PAIP2: variants seen among roughly 807,000 people sequenced by gnomAD.
PAIP2 encodes the protein poly(A) binding protein interacting protein 2.
PAIP2 carries 7 observed loss-of-function variants against 14.8 expected under a neutral mutation model. The ratio of observed to expected loss-of-function variants is 0.47; its 90% confidence interval spans 0.27 to 0.89. The LOEUF is 0.89. Among genes scored for constraint, PAIP2 ranks in the 40% least tolerant of loss-of-function variants. The pLI, the probability that PAIP2 is intolerant of heterozygous loss-of-function variation, is 0.13. For synonymous variants in PAIP2, 47 were observed against 45.3 expected (o/e 1.04, Z -0.15); for missense variants, 122 against 154.7 (o/e 0.79, Z 1.12).
At chr5:139,343,457 C>T (rs1384065837) in intron 1 of PAIP2, 1 of 152,122 alleles carries the variant, frequency 6.6e-6, no homozygotes, top group Admixed American at 6.5e-5. Flanking sequence ...GCAGGCTTTT[C>T]CTTAAATAAG....
At chr5:139,355,448 A>G (rs1472250966) in intron 1 of PAIP2, among the ~76,000 whole-genome samples, 1 of 152,204 alleles carries the variant, frequency 6.6e-6, no homozygotes, top group Non-Finnish European at 1.5e-5. Flanking sequence ...CTGGGATTAC[A>G]GGCGTAAGCC....
At chr5:139,345,010 G>A (rs889768607) in intron 1 of PAIP2, among the ~76,000 whole-genome samples, 2 of 152,092 alleles carry the variant, frequency 1.3e-5, no homozygotes, top group Admixed American at 1.3e-4. Context: ...TAGTAAAGCA[G>A]CCTGGTTCCA....
intron 1 of PAIP2, among the ~76,000 whole-genome samples, chr5:139,345,185 G>A (rs989284989): frequency 6.6e-6 from 1 of 151,722 alleles, no homozygotes; most frequent in Non-Finnish European, 1.5e-5. Context: ...AGCTGCACCC[G>A]ACACCACACC....
At chr5:139,359,606 A>C (rs910399808) in intron 1 of PAIP2, among the ~76,000 whole-genome samples, 3 of 152,178 alleles carry the variant, frequency 2.0e-5, no homozygotes, top group African/African-American at 7.2e-5. Context: ...CCAGCCATTC[A>C]CAGTGTTAGA....
chr5:139,345,870 G>A (rs1216356748), intron 1 of PAIP2, among the ~76,000 whole-genome samples: 4 of 151,100 alleles, frequency 2.6e-5, no homozygotes, highest in Admixed American at 6.6e-5. Context: ...CTTGTGATCC[G>A]CCCACCTCGG....
chr5:139,365,766 C>T (rs1400642965), intron 3 of PAIP2, among the ~76,000 whole-genome samples: 11 of 152,144 alleles, frequency 7.2e-5, no homozygotes, highest in African/African-American at 1.4e-4. Flanking sequence ...TAGTCTTAGA[C>T]GGACTTCTAG....
chr5:139,355,153 T>G (rs955014350), intron 1 of PAIP2, among the ~76,000 whole-genome samples: 3 of 146,964 alleles, frequency 2.0e-5, no homozygotes, highest in Non-Finnish European at 4.5e-5. Flanking sequence ...CCAAAATTTC[T>G]ATTTGTCTCT....
chr5:139,355,480 C>A (rs191576577), intron 1 of PAIP2, among the ~76,000 whole-genome samples: 20 of 152,264 alleles, frequency 1.3e-4, no homozygotes, highest in Non-Finnish European at 2.4e-4. Flanking sequence ...CTATTTGTCT[C>A]TACTGATATT....
chr5:139,345,292 G>A (rs1756504968), intron 1 of PAIP2, among the ~76,000 whole-genome samples: 1 of 152,054 alleles, frequency 6.6e-6, no homozygotes, highest in Admixed American at 6.6e-5. Context: ...AACGGCCTTG[G>A]CCTCCCAAAG....
At chr5:139,368,621 T>C (rs1201244543) in intron 3 of PAIP2, 112 bp from the exon 4 acceptor site, 2 of 726,204 alleles carry the variant, frequency 2.8e-6, no homozygotes, top group Non-Finnish European at 2.4e-6. Context: ...TCTTACAGAC[T>C]GAGTTCTTTT....
intron 3 of PAIP2, among the ~76,000 whole-genome samples, chr5:139,368,263 C>T (rs2152058737): frequency 6.6e-6 from 1 of 151,982 alleles, no homozygotes. Context: ...TGGTGTGAAC[C>T]CGGGAGGCGG....
chr5:139,366,764 A>C (rs1757271869), intron 3 of PAIP2, among the ~76,000 whole-genome samples: 2 of 152,174 alleles, frequency 1.3e-5, no homozygotes, highest in African/African-American at 4.8e-5. Context: ...AAAATTGTTC[A>C]TTTAAGAACA....
intron 1 of PAIP2, among the ~76,000 whole-genome samples, chr5:139,346,719 G>A (rs531610892): frequency 6.6e-6 from 1 of 151,170 alleles, no homozygotes; most frequent in Non-Finnish European, 1.5e-5. Flanking sequence ...TTTAGAGACG[G>A]GGTTTCGCCC....
At position 139,353,666 on chromosome 5, in the gene PAIP2, A is replaced by G. The variant is rs1330063879; in HGVS notation, c.-26-10093A>G. Among the ~76,000 whole-genome samples, 5 of 151,770 alleles carry G rather than the reference A, an allele frequency of 3.3e-5. No individual in the cohort carries two copies. The East Asian group carries it at 5.8e-4, about 18-fold the overall frequency. On this transcript the variant is annotated intron_variant, in intron 1 of 3. Coordinates refer to ENST00000265192, the MANE Select transcript of PAIP2 (RefSeq NM_016480.5). ...ATTTGTTACTACAAAATACATCTTT[A>G]TACATTGTATGTCCATTAACATAGA...
chr5:139,368,627 CTTTTGTCTTTTT>C, intron 3 of PAIP2, 94 bp from the exon 4 acceptor site: 1 of 771,204 alleles, frequency 1.3e-6, no homozygotes, highest in Non-Finnish European at 2.2e-6. Flanking sequence ...AGACTGAGTT[CTTTTGTCTTTTT>C]TTTTTTGGAA....
At chr5:139,364,006 G>A (rs1757147529) in intron 2 of PAIP2, 84 bp downstream of exon 2, 1 of 1,178,766 alleles carries the variant, frequency 8.5e-7, no homozygotes, top group Non-Finnish European at 1.2e-6. Context: ...TGTTTATCTT[G>A]TCCTTTATGT....
chr5:139,368,723 T>G lies in PAIP2; in HGVS notation c.319-10T>G. ...TAATGAACTTGCTTTTTTATGTACT[T>G]ATTTTCCAGGTCAAGAGCAATCTGA... On this transcript the variant is annotated splice_polypyrimidine_tract_variant and intron_variant, in intron 3 of 3. Transcript: ENST00000265192. 1 of 1,607,276 alleles carries G rather than the reference T, an allele frequency of 6.2e-7. No individual in the cohort carries two copies. Among genetic ancestry groups the G allele is most frequent in the Non-Finnish European group, 8.5e-7 (1 of 1,174,060 alleles).
chr5:139,365,104 A>G (rs1757176416), intron 3 of PAIP2: 2 of 153,140 alleles, frequency 1.3e-5, no homozygotes, highest in South Asian at 2.1e-4. Context: ...AGATTGCACC[A>G]TTGCACTCCA....
At chr5:139,347,876 T>C (rs1381763857) in intron 1 of PAIP2, among the ~76,000 whole-genome samples, 1 of 152,054 alleles carries the variant, frequency 6.6e-6, no homozygotes, top group African/African-American at 2.4e-5. Flanking sequence ...AGATGATGAA[T>C]ATAAGAAACA....
Sources: allele counts gnomAD v4.1 joint callset (sites outside exome capture counted in the v4.1 genomes callset), GRCh38; gene constraint gnomAD v4.1.1; transcripts MANE v1.5; gene names NCBI Gene and HGNC (gene_info 2026-07-23, HGNC 2026-07-21).